The following PTPRN2 variants were observed in gnomAD, a reference collection of about 807,000 sequenced individuals.
The protein encoded by PTPRN2 is receptor-type tyrosine-protein phosphatase N2.
PTPRN2 carries 74 observed loss-of-function variants against 118.8 expected under a neutral mutation model. The ratio of observed to expected loss-of-function variants is 0.62; its 90% CI spans 0.52 to 0.76. The LOEUF (loss-of-function observed/expected upper bound fraction) is 0.76. Ranked by LOEUF, PTPRN2 falls within the 30% of genes least tolerant of loss-of-function variation. The pLI, the probability that PTPRN2 is intolerant of heterozygous loss-of-function variation, is 0.00. For synonymous variants in PTPRN2, 641 were observed against 608.0 expected, an observed-to-expected ratio of 1.05 and a Z score of -0.80; for missense variants, 1,481 against 1,394.4, an observed-to-expected ratio of 1.06 and a Z score of -0.99.
At chr7:158,272,038 T>A (rs570426308) in intron 3 of PTPRN2, among the ~76,000 whole-genome samples, 1 of 152,198 alleles carries the variant, frequency 6.6e-6, no homozygotes, top group Non-Finnish European at 1.5e-5. Flanking sequence ...AGCTGCACCA[T>A]CAAAAGACGG....
chr7:158,473,322 C>A (rs1435502258), intron 2 of PTPRN2, among the ~76,000 whole-genome samples: 2 of 152,202 alleles, frequency 1.3e-5, no homozygotes, highest in Non-Finnish European at 2.9e-5. Flanking sequence ...TATGTGAGAA[C>A]CCTTGAAGCT....
intron 13 of PTPRN2, among the ~76,000 whole-genome samples, chr7:157,678,516 G>C (rs1426399799): frequency 6.6e-6 from 1 of 152,112 alleles, no homozygotes; most frequent in East Asian, 1.9e-4. Context: ...AAGAAGTCAG[G>C]GTGCATTTGG....
At chr7:158,088,776 G>A (rs533484899) in intron 10 of PTPRN2, among the ~76,000 whole-genome samples, 3 of 12,056 alleles carry the variant, frequency 2.5e-4, no homozygotes, top group Non-Finnish European at 4.7e-4. Context: ...CCCTGATGAA[G>A]GAGGGAGTCT....
At chr7:158,451,233 G>A (rs1295733318) in intron 2 of PTPRN2, among the ~76,000 whole-genome samples, 2 of 152,200 alleles carry the variant, frequency 1.3e-5, no homozygotes, top group African/African-American at 2.4e-5. Context: ...TTTTGAACGT[G>A]AGATCTTTGT....
chr7:158,403,471 C>T (rs1813100449), intron 2 of PTPRN2, among the ~76,000 whole-genome samples: 1 of 152,242 alleles, frequency 6.6e-6, no homozygotes, highest in Non-Finnish European at 1.5e-5. Flanking sequence ...CAACAGCTCC[C>T]AGGTAATCCT....
intron 1 of PTPRN2, among the ~76,000 whole-genome samples, chr7:158,556,697 G>A (rs926562413): frequency 6.6e-6 from 1 of 152,092 alleles, no homozygotes. Context: ...TGCAGCTCCC[G>A]CGCAGGTCAG....
At chr7:157,797,985 G>A (rs1804977122) in intron 12 of PTPRN2, among the ~76,000 whole-genome samples, 2 of 152,326 alleles carry the variant, frequency 1.3e-5, no homozygotes, top group Admixed American at 6.5e-5. Flanking sequence ...TGGGCCAGGC[G>A]TCGTGGCTCA....
At position 157,651,507 on chromosome 7, in the gene PTPRN2, C is replaced by T. The variant is rs115517419; in HGVS notation, c.2196+4850G>A. Among the ~76,000 whole-genome samples the T allele has an allele frequency of 2.0e-3, 299 of 152,280 alleles. 1 individual carries two copies. The highest frequency in any genetic ancestry group is 6.6e-3 in the African/African-American group (275 of 41,562). On this transcript the variant is annotated intron_variant, in intron 14 of 22. Coordinates refer to ENST00000389418, the MANE Select transcript of PTPRN2 (RefSeq NM_002847.5). ...CTTAACATCCCCACTCTCCAAAAAA[C>T]GTTCTCTAGCCTTTAAAGGTGGACG...
At chr7:158,571,128 TTTTG>T (rs1395079855) in intron 1 of PTPRN2, among the ~76,000 whole-genome samples, 1 of 152,244 alleles carries the variant, frequency 6.6e-6, no homozygotes. Context: ...TTGGAATATT[TTTTG>T]TTTTTGTTTT....
chr7:158,453,100 G>A (rs111417254), intron 2 of PTPRN2, among the ~76,000 whole-genome samples: 3 of 147,578 alleles, frequency 2.0e-5, no homozygotes, highest in South Asian at 2.2e-4. Flanking sequence ...CTCACCGTAC[G>A]GTGCAGGGGG....
chr7:157,593,735 T>C (rs967372572), intron 17 of PTPRN2, among the ~76,000 whole-genome samples: 17 of 152,072 alleles, frequency 1.1e-4, no homozygotes, highest in Non-Finnish European at 2.4e-4. Flanking sequence ...AAGACCTTCC[T>C]ACCACGAAAC....
intron 2 of PTPRN2, among the ~76,000 whole-genome samples, chr7:158,451,615 GC>G (rs1442697034): frequency 6.6e-6 from 1 of 152,096 alleles, no homozygotes; most frequent in African/African-American, 2.4e-5. Context: ...TTCTGTGTCA[GC>G]CCATCTACCT....
chr7:157,909,942 G>A (rs906389200), intron 11 of PTPRN2, among the ~76,000 whole-genome samples: 2 of 152,216 alleles, frequency 1.3e-5, no homozygotes, highest in Admixed American at 1.3e-4. Flanking sequence ...TAGTGGCAGC[G>A]TTAAAGCATT....
At chr7:158,313,264 T>A (rs1802022628) in intron 3 of PTPRN2, among the ~76,000 whole-genome samples, 1 of 152,122 alleles carries the variant, frequency 6.6e-6, no homozygotes, top group Admixed American at 6.5e-5. Flanking sequence ...CACAGGGTCG[T>A]CCTCCTGCCA....
chr7:158,300,055 ATT>A (rs1452911193), intron 3 of PTPRN2, among the ~76,000 whole-genome samples: 4 of 152,234 alleles, frequency 2.6e-5, no homozygotes, highest in Admixed American at 2.0e-4. Flanking sequence ...AGTTGAAAAT[ATT>A]TGTTTACTTT....
chr7:158,131,838 AACAC>A (rs140758625), intron 9 of PTPRN2, among the ~76,000 whole-genome samples: 71 of 147,900 alleles, frequency 4.8e-4, no homozygotes, highest in Non-Finnish European at 7.9e-4. Flanking sequence ...ACATCTACCC[AACAC>A]ACACACACAC....
At position 158,385,653 on chromosome 7, in the gene PTPRN2, A is replaced by C. The variant is rs996010354; in HGVS notation, c.164-68721T>G. Among the ~76,000 whole-genome samples the C allele has an allele frequency of 1.3e-5, 2 of 152,184 alleles. 1 individual carries two copies. The highest frequency in any genetic ancestry group is 1.3e-4 in the Admixed American group (2 of 15,280). ...TTTAATGGGGTTTAGATATTACTCA[A>C]AGTTTACAAATGCTGGCATACAGAA... is the stretch of plus-strand genomic sequence containing the variant. On this transcript the variant is annotated intron_variant, in intron 2 of 22. Transcript: ENST00000389418.
intron 14 of PTPRN2, among the ~76,000 whole-genome samples, chr7:157,639,404 G>A (rs920757885): frequency 1.3e-5 from 2 of 152,184 alleles, no homozygotes; most frequent in African/African-American, 4.8e-5. Context: ...GTGAGATGAA[G>A]CACAGTGCGG....
intron 11 of PTPRN2, among the ~76,000 whole-genome samples, chr7:157,924,630 G>A (rs972365268): frequency 7.2e-5 from 11 of 152,346 alleles, no homozygotes; most frequent in South Asian, 2.1e-4. Flanking sequence ...AGGACACCTC[G>A]CTTTATTTCA....
Sources: gnomAD v4.1 joint callset for allele counts (sites outside exome capture counted in the v4.1 genomes callset) on GRCh38, gnomAD v4.1.1 for gene constraint, MANE v1.5 for transcripts, NCBI Gene and HGNC (gene_info 2026-07-23, HGNC 2026-07-21) for gene names.